Variants in PIGK observed in about 807,000 individuals in gnomAD.
PIGK encodes the protein phosphatidylinositol glycan anchor biosynthesis class K.
Under a neutral mutation model 50.6 loss-of-function variants are expected in PIGK, and 42 were observed. That is an observed-to-expected ratio of 0.83 (90% CI 0.65 to 1.07). PIGK has a LOEUF of 1.07. PIGK is among the 50% of genes least tolerant of loss of function. The probability of loss-of-function intolerance (pLI) is 0.00; values close to 1 mark genes in which losing one functional copy is unlikely to be tolerated. For synonymous variants in PIGK, 151 were observed against 156.0 expected (o/e 0.97, Z 0.24); for missense variants, 448 against 488.7 (o/e 0.92, Z 0.78).
chr1:77,205,979 C>T (rs949850794), intron 3 of PIGK, among the ~76,000 whole-genome samples: 8 of 152,140 alleles, frequency 5.3e-5, no homozygotes, highest in African/African-American at 1.9e-4. Context: ...GCAGCACAGA[C>T]ATGGGTGCTG....
At chr1:77,203,470 A>AT (rs2100584134) in intron 3 of PIGK, among the ~76,000 whole-genome samples, 1 of 152,340 alleles carries the variant, frequency 6.6e-6, no homozygotes, top group African/African-American at 2.4e-5. Flanking sequence ...TGGAACTTAG[A>AT]TAAGAAACTG....
chr1:77,197,125 G>T (rs576827919), intron 3 of PIGK, among the ~76,000 whole-genome samples: 1 of 152,270 alleles, frequency 6.6e-6, no homozygotes, highest in Non-Finnish European at 1.5e-5. Context: ...TAGAAAACAT[G>T]ATAGGCTGAT....
intron 10 of PIGK, among the ~76,000 whole-genome samples, chr1:77,098,037 T>C (rs574779985): frequency 1.3e-5 from 2 of 152,094 alleles, no homozygotes; most frequent in East Asian, 1.9e-4. Context: ...TAAAACAGAA[T>C]AGAAACTAGA....
chr1:77,163,411 T>C (rs1570234714), intron 6 of PIGK, among the ~76,000 whole-genome samples: 1 of 152,174 alleles, frequency 6.6e-6, no homozygotes, highest in Non-Finnish European at 1.5e-5. Flanking sequence ...CAATCATCCT[T>C]AATGTGAGTT....
intron 2 of PIGK, among the ~76,000 whole-genome samples, chr1:77,208,716 T>C (rs1282371842): frequency 6.6e-6 from 1 of 152,180 alleles, no homozygotes; most frequent in African/African-American, 2.4e-5. Context: ...AGAGGTTTTT[T>C]TCTTGAAGAA....
chr1:77,188,493 T>C (rs539227084), intron 3 of PIGK, among the ~76,000 whole-genome samples: 5 of 152,326 alleles, frequency 3.3e-5, no homozygotes, highest in African/African-American at 9.6e-5. Context: ...ATGTTATCAA[T>C]GACAATGGTG....
chr1:77,174,032 T>C (rs1425039099), intron 3 of PIGK, among the ~76,000 whole-genome samples: 1 of 152,230 alleles, frequency 6.6e-6, no homozygotes, highest in African/African-American at 2.4e-5. Context: ...GGAAGAGCAA[T>C]GGAAGCTATC....
chr1:77,219,313 G>C lies in PIGK; in HGVS notation c.90C>G (p.Ile30Met). The C allele has an allele frequency of 6.2e-7, 1 of 1,613,048 alleles. No individual in the cohort carries two copies. The stretch of plus-strand genomic sequence containing the variant: ...GTCAAATGAGCCTGACTCCTACCTC[G>C]ATATGACTAGCGGCCACGCTGCCGA... ...LSFGSVAASHIEDQAEQFFRS... is the reference protein window; with the variant it reads ...LSFGSVAASHMEDQAEQFFRS... Residue 30 changes from isoleucine (I) to methionine (M), a missense_variant, in exon 1 of 11, where the codon ATC (isoleucine) becomes ATG (methionine). Transcript: ENST00000370812.
At chr1:77,198,910 T>C (rs764764101) in intron 3 of PIGK, among the ~76,000 whole-genome samples, 1 of 151,870 alleles carries the variant, frequency 6.6e-6, no homozygotes, top group Non-Finnish European at 1.5e-5. Context: ...GACCTAAGAA[T>C]AGGCAAGACC....
intron 3 of PIGK, among the ~76,000 whole-genome samples, chr1:77,184,839 C>A (rs888908792): frequency 6.6e-6 from 1 of 152,148 alleles, no homozygotes; most frequent in Admixed American, 6.5e-5. Context: ...ATTAGAGCTG[C>A]CTCTACCTAT....
At chr1:77,095,667 A>C (rs1653390306) in intron 10 of PIGK, among the ~76,000 whole-genome samples, 1 of 152,076 alleles carries the variant, frequency 6.6e-6, no homozygotes, top group Non-Finnish European at 1.5e-5. Flanking sequence ...TGCAGGGAAA[A>C]CCCTGTTAGT....
At chr1:77,174,690 G>A (rs1180054892) in intron 3 of PIGK, among the ~76,000 whole-genome samples, 1 of 152,102 alleles carries the variant, frequency 6.6e-6, no homozygotes, top group Non-Finnish European at 1.5e-5. Flanking sequence ...ACACCCATGG[G>A]AGCTTGGCTG....
At chr1:77,111,920 T>C (rs1183542380) in intron 10 of PIGK, among the ~76,000 whole-genome samples, 2 of 152,098 alleles carry the variant, frequency 1.3e-5, no homozygotes, top group Non-Finnish European at 2.9e-5. Context: ...TAGCCTTGGA[T>C]ATAGAATTGG....
At chr1:77,092,711 T>C (rs1653328057) in intron 10 of PIGK, among the ~76,000 whole-genome samples, 1 of 152,136 alleles carries the variant, frequency 6.6e-6, no homozygotes, top group Non-Finnish European at 1.5e-5. Context: ...TTTCAGCTTA[T>C]ATTTTGTTTC....
chr1:77,185,610 T>C (rs1453613864), intron 3 of PIGK, among the ~76,000 whole-genome samples: 1 of 151,298 alleles, frequency 6.6e-6, no homozygotes, highest in Non-Finnish European at 1.5e-5. Context: ...CTCACTGGGG[T>C]GTGTTACTCC....
chr1:77,142,453 G>C (rs893030600), intron 9 of PIGK, among the ~76,000 whole-genome samples: 2 of 152,104 alleles, frequency 1.3e-5, no homozygotes, highest in Admixed American at 1.3e-4. Flanking sequence ...ATCACCCTAT[G>C]ACAGATAAAG....
rs987093798 is a variant in PIGK, at chr1:77,177,195, T to C, written c.240-7800A>G. Among the ~76,000 whole-genome samples the C allele has an allele frequency of 5.9e-5, 9 of 151,786 alleles. No individual in the cohort carries two copies. The East Asian group carries it at 1.2e-3, about 20-fold the overall frequency. ...TATTTTCACCAGGTAAAGAAAGCTT[T>C]TTATGGTTCACTGAGGACAGTCAAC... On this transcript the variant is annotated intron_variant, in intron 3 of 10. Coordinates refer to ENST00000370812, the MANE Select transcript of PIGK (RefSeq NM_005482.3).
intron 8 of PIGK, among the ~76,000 whole-genome samples, chr1:77,157,230 A>G (rs1211815538): frequency 6.6e-6 from 1 of 152,212 alleles, no homozygotes; most frequent in Non-Finnish European, 1.5e-5. Context: ...TATACAATTG[A>G]GCTAGAGATA....
intron 3 of PIGK, among the ~76,000 whole-genome samples, chr1:77,176,013 A>G (rs1655479200): frequency 6.6e-6 from 1 of 152,134 alleles, no homozygotes; most frequent in Non-Finnish European, 1.5e-5. Flanking sequence ...TAATAAAAAA[A>G]TTTTGTTTGC....
Sources: gnomAD v4.1 joint callset for allele counts (sites outside exome capture counted in the v4.1 genomes callset) on GRCh38, gnomAD v4.1.1 for gene constraint, MANE v1.5 for transcripts, NCBI Gene and HGNC (gene_info 2026-07-23, HGNC 2026-07-21) for gene names.